SMYD3: variants seen among roughly 807,000 people sequenced by gnomAD.
SMYD3 encodes the protein SET and MYND domain containing 3.
Under a neutral mutation model 57.7 loss-of-function variants are expected in SMYD3, and 36 were observed. The ratio of observed to expected loss-of-function variants is 0.62; its 90% CI spans 0.48 to 0.82. The LOEUF (loss-of-function observed/expected upper bound fraction) is 0.82, where lower values mean the gene tolerates loss of function less well. SMYD3 is among the 40% of genes least tolerant of loss of function. SMYD3 has a pLI of 0.00. For missense variants in SMYD3, 515 were observed against 538.8 expected (o/e 0.96, Z 0.44); for synonymous variants, 211 against 195.0 (o/e 1.08, Z -0.68).
intron 5 of SMYD3, among the ~76,000 whole-genome samples, chr1:245,989,720 C>G (rs969710244): frequency 6.6e-6 from 1 of 152,230 alleles, no homozygotes; most frequent in Non-Finnish European, 1.5e-5. Flanking sequence ...GGGGCTTCCC[C>G]CCTCCCACAG....
At chr1:245,925,801 T>C (rs1026827063) in intron 7 of SMYD3, among the ~76,000 whole-genome samples, 1 of 152,138 alleles carries the variant, frequency 6.6e-6, no homozygotes, top group African/African-American at 2.4e-5. Context: ...AAAACAGCCA[T>C]AATATGTGCC....
At chr1:246,145,048 T>C (rs1351180431) in intron 5 of SMYD3, among the ~76,000 whole-genome samples, 2 of 152,216 alleles carry the variant, frequency 1.3e-5, no homozygotes, top group Non-Finnish European at 2.9e-5. Context: ...AAGGTCTCAC[T>C]GTGTTGCTCA....
intron 10 of SMYD3, among the ~76,000 whole-genome samples, chr1:245,833,599 C>A (rs1199668803): frequency 6.6e-6 from 1 of 152,194 alleles, no homozygotes; most frequent in African/African-American, 2.4e-5. Flanking sequence ...TAACCTGATC[C>A]CTTAGTTAAG....
chr1:245,784,163 G>A (rs1419483332), intron 10 of SMYD3, among the ~76,000 whole-genome samples: 1 of 152,238 alleles, frequency 6.6e-6, no homozygotes, highest in African/African-American at 2.4e-5. Context: ...AAGACCAGAA[G>A]TAGCAAGCAC....
intron 5 of SMYD3, among the ~76,000 whole-genome samples, chr1:246,308,319 T>C (rs6679176): frequency 0.15 from 23,020 of 152,116 alleles, 2,249 homozygotes; most frequent in East Asian, 0.3. Flanking sequence ...TTAAACTGGT[T>C]CTTTCTGACC....
intron 1 of SMYD3, among the ~76,000 whole-genome samples, chr1:246,490,612 C>T (rs1448135619): frequency 6.6e-6 from 1 of 152,190 alleles, no homozygotes; most frequent in South Asian, 2.1e-4. Context: ...ATGGCTCACA[C>T]CTATACTCCC....
intron 5 of SMYD3, among the ~76,000 whole-genome samples, chr1:246,048,536 A>G (rs552605460): frequency 6.6e-6 from 1 of 152,158 alleles, no homozygotes; most frequent in Non-Finnish European, 1.5e-5. Flanking sequence ...AACATAATGC[A>G]CACATTATGC....
intron 5 of SMYD3, among the ~76,000 whole-genome samples, chr1:246,269,540 T>C (rs60813851): frequency 0.033 from 3,547 of 107,430 alleles, 132 homozygotes; most frequent in African/African-American, 0.092. Flanking sequence ...TTTCTTTTTT[T>C]TTCTTTTTTT....
rs376288621 is a variant in SMYD3, at chr1:246,122,167, T to C, written c.532-192230A>G. On this transcript the variant is annotated intron_variant, in intron 5 of 11. Transcript: ENST00000490107. Reference sequence around the variant, plus strand: ...GCTCATGCCTGTAATCCCAGCACTTTGGGAGGCAGAGGCAGGAGAATCTCT... The same window carrying C: ...GCTCATGCCTGTAATCCCAGCACTTCGGGAGGCAGAGGCAGGAGAATCTCT... 5.3e-5 allele frequency among the ~76,000 whole-genome samples: 8 copies of C among 152,166 alleles called. No homozygotes were observed. In the East Asian group the frequency reaches 1.4e-3, roughly 26 times the overall value.
chr1:246,043,104 CTGCACTTAAGTA>C lies in SMYD3; in HGVS notation c.532-113179_532-113168del, dbSNP rs377148919. 4.2e-3 allele frequency among the ~76,000 whole-genome samples: 647 copies of C among 152,292 alleles called. 6 individuals carry two copies. The highest frequency in any genetic ancestry group is 0.014 in the African/African-American group (587 of 41,552). ...CACATAAATAAACACATGCCAACACCTGCACTTAAGTATGCACATGTACACATATACACAGCA... is the reference window on the plus strand; with the variant it reads ...CACATAAATAAACACATGCCAACACCTGCACATGTACACATATACACAGCA... On this transcript the variant is annotated intron_variant, in intron 5 of 11. Coordinates refer to ENST00000490107, the MANE Select transcript of SMYD3 (RefSeq NM_001167740.2).
chr1:246,463,661 CAAAAAAAAAAAAA>C (rs35482116), intron 1 of SMYD3, among the ~76,000 whole-genome samples: 1 of 73,126 alleles, frequency 1.4e-5, no homozygotes, highest in African/African-American at 5.7e-5. Context: ...ACTAAAAATA[CAAAAAAAAAAAAA>C]AAAAAAAAAA....
chr1:246,124,925 A>T (rs1388287945), intron 5 of SMYD3, among the ~76,000 whole-genome samples: 1 of 152,088 alleles, frequency 6.6e-6, no homozygotes, highest in Admixed American at 6.5e-5. Flanking sequence ...AAAAAAAATT[A>T]GCCGGGCGTG....
chr1:245,867,537 A>T (rs941204731), intron 8 of SMYD3, among the ~76,000 whole-genome samples: 4 of 152,112 alleles, frequency 2.6e-5, no homozygotes, highest in African/African-American at 9.7e-5. Flanking sequence ...TGAGTACCTA[A>T]CCAGGCACTG....
chr1:246,306,271 C>CT (rs2064976967), intron 5 of SMYD3, among the ~76,000 whole-genome samples: 1 of 151,722 alleles, frequency 6.6e-6, no homozygotes, highest in African/African-American at 2.4e-5. Flanking sequence ...CACTCGAGCC[C>CT]AGGAGGCAGA....
chr1:245,767,847 G>T (rs1221028248), intron 10 of SMYD3, among the ~76,000 whole-genome samples: 1 of 152,198 alleles, frequency 6.6e-6, no homozygotes, highest in Non-Finnish European at 1.5e-5. Context: ...GACTTACCTT[G>T]CCAGCAGTGA....
intron 10 of SMYD3, among the ~76,000 whole-genome samples, chr1:245,780,132 A>G (rs550727514): frequency 1.3e-5 from 2 of 152,350 alleles, no homozygotes; most frequent in South Asian, 4.1e-4. Flanking sequence ...TCAAAACATT[A>G]AACGACAGAG....
intron 5 of SMYD3, among the ~76,000 whole-genome samples, chr1:246,062,389 G>A (rs114489854): frequency 0.015 from 2,254 of 152,296 alleles, 50 homozygotes; most frequent in African/African-American, 0.043. Context: ...TCTCCACAGT[G>A]ACTGCAATTA....
At chr1:246,256,887 A>ATT (rs139525543) in intron 5 of SMYD3, among the ~76,000 whole-genome samples, 1 of 151,852 alleles carries the variant, frequency 6.6e-6, no homozygotes, top group Non-Finnish European at 1.5e-5. Flanking sequence ...ATTTATTTAA[A>ATT]TTTTTTTTAT....
rs922382400 is a variant in SMYD3 at position 246,330,466 on chromosome 1, A to C, written c.394+14T>G. The C allele has an allele frequency of 6.4e-7, 1 of 1,562,120 alleles. No individual in the cohort carries two copies. The highest frequency in any genetic ancestry group is 8.6e-7 in the Non-Finnish European group (1 of 1,157,450). ...ATAGAAACTTTTTTAAGATGCTGAT[A>C]GACAATCACTTACTTGACTCCAGAT... is the stretch of plus-strand genomic sequence containing the variant. On this transcript the variant is annotated intron_variant, in intron 4 of 11. Transcript: ENST00000490107.
Sources: gnomAD v4.1 joint callset for allele counts (sites outside exome capture counted in the v4.1 genomes callset) on GRCh38, gnomAD v4.1.1 for gene constraint, MANE v1.5 for transcripts, NCBI Gene and HGNC (gene_info 2026-07-23, HGNC 2026-07-21) for gene names.